The following PPP1R3A variants were observed in gnomAD, a reference collection of about 807,000 sequenced individuals.
PPP1R3A encodes RG1.
A neutral mutation model predicts 41.7 loss-of-function variants in PPP1R3A; 29 were observed. The ratio of observed to expected loss-of-function variants is 0.70; its 90% CI spans 0.52 to 0.95. The LOEUF is 0.95. Ranked by LOEUF, PPP1R3A falls within the 40% of genes least tolerant of loss-of-function variation. The pLI, the probability that PPP1R3A is intolerant of heterozygous loss-of-function variation, is 0.00. For synonymous variants in PPP1R3A, 485 were observed against 453.4 expected (o/e 1.07, Z -0.89); for missense variants, 1,352 against 1,292.4 (o/e 1.05, Z -0.71).
At position 113,877,897 on chromosome 7, in the gene PPP1R3A, T is replaced by C; in HGVS notation, c.3195A>G (p.Glu1065=). The C allele has an allele frequency of 2.5e-6, 4 of 1,612,720 alleles. No homozygotes were observed. The highest frequency in any genetic ancestry group is 3.4e-6 in the Non-Finnish European group (4 of 1,179,046). Residue 1065 remains glutamate (E), a synonymous_variant, in exon 4 of 4, where the codon GAA becomes GAG. Transcript: ENST00000284601. ...PVEESQAQGN[E]SLFSKYTNSK... The stretch of plus-strand genomic sequence containing the variant: ...AGTTGGTATATTTTGAAAACAAAGA[T>C]TCGTTGCCTTGAGCTTGACTTTCCT...
At chr7:113,893,246 G>A (rs536144338) in intron 1 of PPP1R3A, among the ~76,000 whole-genome samples, 1 of 152,028 alleles carries the variant, frequency 6.6e-6, no homozygotes, top group East Asian at 1.9e-4. Context: ...GTATCATTTA[G>A]AGGTATTTAA....
chr7:113,879,879 A>C lies in PPP1R3A; in HGVS notation c.1213T>G (p.Ser405Ala). ...SSGDDCTHQP[S>A]EETTSNMGEI... ...CCCATATTTGAAGTAGTTTCCTCTG[A>C]AGGTTGATGTGTACAGTCATCTCCT... The change falls in exon 4 of 4, where the codon TCA (serine) becomes GCA (alanine). Residue 405 changes from serine to alanine, a missense_variant. Ser to Ala is a moderately conservative substitution (Grantham distance 99). Transcript: ENST00000284601. 5.6e-6 allele frequency: 9 copies of C among 1,613,538 alleles called. No homozygotes were observed. The highest frequency in any genetic ancestry group is 7.6e-6 in the Non-Finnish European group (9 of 1,179,696).
chr7:113,896,772 C>G (rs1796982501), intron 1 of PPP1R3A, among the ~76,000 whole-genome samples: 1 of 151,770 alleles, frequency 6.6e-6, no homozygotes, highest in Non-Finnish European at 1.5e-5. Context: ...GTCTGGCATA[C>G]AGCAAGCAAG....
chr7:113,907,567 T>C (rs1297939640), intron 1 of PPP1R3A, among the ~76,000 whole-genome samples: 2 of 151,762 alleles, frequency 1.3e-5, no homozygotes, highest in Non-Finnish European at 2.9e-5. Flanking sequence ...GCCTATATTA[T>C]GGCCAGCAAG....
chr7:113,885,211 C>T (rs1796762507), intron 1 of PPP1R3A, among the ~76,000 whole-genome samples: 1 of 152,002 alleles, frequency 6.6e-6, no homozygotes, highest in Non-Finnish European at 1.5e-5. Flanking sequence ...ACACGACATC[C>T]TGCTAATTTG....
chr7:113,896,770 T>C (rs1457715267), intron 1 of PPP1R3A, among the ~76,000 whole-genome samples: 1 of 151,838 alleles, frequency 6.6e-6, no homozygotes, highest in Non-Finnish European at 1.5e-5. Context: ...ATGTCTGGCA[T>C]ACAGCAAGCA....
At position 113,877,121 on chromosome 7, in the gene PPP1R3A, G is replaced by C. The variant is rs1015170995; in HGVS notation, c.*602C>G. 4 of 151,926 alleles carry C rather than the reference G, an allele frequency of 2.6e-5. No individual in the cohort carries two copies. Among genetic ancestry groups the C allele is most frequent in the African/African-American group, 9.7e-5 (4 of 41,406 alleles). The allele number at this position is 151,926 out of a possible 1,614,324, so 9.4% of individuals were successfully genotyped here. A position where few individuals can be genotyped will look rare whatever the true frequency, so the allele number is the denominator to read the frequency against. ...CTTTGTAGCTATAAAGAAGGTATGTGTGTGTGTGTGTGCATGCATCAAGTA... is the reference window on the plus strand; with the variant it reads ...CTTTGTAGCTATAAAGAAGGTATGTCTGTGTGTGTGTGCATGCATCAAGTA... On this transcript the variant is annotated 3_prime_UTR_variant, in exon 4 of 4. Transcript: ENST00000284601.
chr7:113,891,296 AAATT>A (rs1341229883), intron 1 of PPP1R3A, among the ~76,000 whole-genome samples: 1 of 152,044 alleles, frequency 6.6e-6, no homozygotes, highest in African/African-American at 2.4e-5. Context: ...AGTGTTTAAT[AAATT>A]ATTATTGTTA....
intron 1 of PPP1R3A, among the ~76,000 whole-genome samples, chr7:113,890,753 ATAAG>A (rs1272440935): frequency 6.6e-6 from 1 of 152,080 alleles, no homozygotes; most frequent in African/African-American, 2.4e-5. Flanking sequence ...ATCTAATAAA[ATAAG>A]TAAGCAAAAA....
chr7:113,877,689 G>T lies in PPP1R3A; in HGVS notation c.*34C>A. On this transcript the variant is annotated 3_prime_UTR_variant, in exon 4 of 4. Coordinates refer to ENST00000284601, the MANE Select transcript of PPP1R3A (RefSeq NM_002711.4). Reference sequence around the variant, plus strand: ...CAATCCAAATGTTTGGGGTTAAATAGCTTATCTTTTAAGAGAGAATAGTAG... The same window carrying T: ...CAATCCAAATGTTTGGGGTTAAATATCTTATCTTTTAAGAGAGAATAGTAG... The T allele has an allele frequency of 6.6e-7, 1 of 1,514,490 alleles. No homozygotes were observed. Among genetic ancestry groups the T allele is most frequent in the Middle Eastern group, 1.8e-4 (1 of 5,600 alleles). The allele number at this position is 1,514,490 out of a possible 1,614,324, so 93.8% of individuals were successfully genotyped here.
Position 113,916,887 on chromosome 7 carries a change from A to G in PPP1R3A, c.782+1328T>C, listed in dbSNP as rs190186176. ...CTAACAGCATCAGTTAAAATCAAAG[A>G]AAGTTTGATTTAGACCAAGAAAGTT... On this transcript the variant is annotated intron_variant, in intron 1 of 3. Transcript: ENST00000284601. Among the ~76,000 whole-genome samples, 124 of 152,184 alleles carry G rather than the reference A, an allele frequency of 8.1e-4. 1 individual carries two copies. Among genetic ancestry groups the G allele is most frequent in the Non-Finnish European group, 1.5e-3 (101 of 67,974 alleles).
chr7:113,904,880 GA>G (rs1348311319), intron 1 of PPP1R3A, among the ~76,000 whole-genome samples: 1 of 151,454 alleles, frequency 6.6e-6, no homozygotes, highest in Non-Finnish European at 1.5e-5. Context: ...TTTTCACTGG[GA>G]CCCATATTTG....
rs151057201 is a variant in PPP1R3A at position 113,895,842 on chromosome 7, T to C, written c.783-13522A>G. On this transcript the variant is annotated intron_variant, in intron 1 of 3. Coordinates refer to ENST00000284601, the MANE Select transcript of PPP1R3A (RefSeq NM_002711.4). The stretch of plus-strand genomic sequence containing the variant: ...CGCAGATTCAGTAAGTCTTAAAGCA[T>C]TATTTCTAAATTTAATGCTTTGATG... 3.8e-3 allele frequency among the ~76,000 whole-genome samples: 585 copies of C among 152,082 alleles called. 5 individuals are homozygous for C. Among genetic ancestry groups the C allele is most frequent in the African/African-American group, 0.014 (566 of 41,526 alleles).
rs187171438 is a variant in PPP1R3A at position 113,891,270 on chromosome 7, G to A, written c.783-8950C>T. 6.7e-3 allele frequency among the ~76,000 whole-genome samples: 1,023 copies of A among 151,944 alleles called. 10 individuals are homozygous for A. Among genetic ancestry groups the A allele is most frequent in the South Asian group, 0.039 (187 of 4,816 alleles). On this transcript the variant is annotated intron_variant, in intron 1 of 3. Coordinates refer to ENST00000284601, the MANE Select transcript of PPP1R3A (RefSeq NM_002711.4). ...TAACACAGAGTAATTATTTAGCATAGTTTCCAACACATGAAAGTGTTTAAT... is the reference window on the plus strand; with the variant it reads ...TAACACAGAGTAATTATTTAGCATAATTTCCAACACATGAAAGTGTTTAAT...
At chr7:113,901,601 T>G (rs890123768) in intron 1 of PPP1R3A, among the ~76,000 whole-genome samples, 3 of 151,834 alleles carry the variant, frequency 2.0e-5, no homozygotes, top group African/African-American at 7.2e-5. Flanking sequence ...TTTTGCTTTT[T>G]TCATTTTCTT....
intron 1 of PPP1R3A, among the ~76,000 whole-genome samples, chr7:113,917,191 T>C (rs1444213684): frequency 1.3e-5 from 2 of 152,052 alleles, no homozygotes; most frequent in East Asian, 3.9e-4. Context: ...TTTCCTATAT[T>C]TCCTATTTCC....
rs774350001 is a variant in PPP1R3A at position 113,877,973 on chromosome 7, G to A, written c.3119C>T (p.Thr1040Ile). ...GCTGTCAGATTCCTTTTCACCTGAA[G>A]TGTATAGTGATTGCCCAGAGCTTAC... ...GLVSSGQSLY[T>I]SGEKESDSSA... Residue 1040 changes from threonine (T) to isoleucine (I), a missense_variant, in exon 4 of 4, where the codon ACT (threonine) becomes ATT (isoleucine). Transcript: ENST00000284601. 3 of 1,613,368 alleles carry A rather than the reference G, an allele frequency of 1.9e-6. No individual in the cohort carries two copies. Among genetic ancestry groups the A allele is most frequent in the Non-Finnish European group, 2.5e-6 (3 of 1,179,638 alleles).
chr7:113,909,686 G>C (rs911471221), intron 1 of PPP1R3A, among the ~76,000 whole-genome samples: 2 of 152,032 alleles, frequency 1.3e-5, no homozygotes, highest in Non-Finnish European at 2.9e-5. Flanking sequence ...GAAAAACAAA[G>C]TTATTGAGGT....
chr7:113,883,272 CT>C (rs1216142871), intron 1 of PPP1R3A, among the ~76,000 whole-genome samples: 1 of 151,884 alleles, frequency 6.6e-6, no homozygotes, highest in Non-Finnish European at 1.5e-5. Context: ...TTCTCAAGGA[CT>C]TTTCTGCAAC....
Sources: allele counts gnomAD v4.1 joint callset (sites outside exome capture counted in the v4.1 genomes callset), GRCh38; gene constraint gnomAD v4.1.1; transcripts MANE v1.5; gene names NCBI Gene and HGNC (gene_info 2026-07-23, HGNC 2026-07-21).